Variants in AP4S1 observed in about 807,000 individuals in gnomAD.
AP4S1 encodes the protein adaptor related protein complex 4 subunit sigma 1, also known as AP-4 complex subunit sigma-1.
Under a neutral mutation model 19.8 loss-of-function variants are expected in AP4S1, and 23 were observed. That is an observed-to-expected ratio of 1.16 (90% CI 0.84 to 1.65). The LOEUF (loss-of-function observed/expected upper bound fraction) is 1.65. Ranked by LOEUF, AP4S1 falls within the 40% of genes most tolerant of loss-of-function variation. The pLI is 0.00. For synonymous variants in AP4S1, 46 were observed against 54.1 expected (o/e 0.85, Z 0.66); for missense variants, 166 against 172.8 (o/e 0.96, Z 0.22).
intron 1 of AP4S1, among the ~76,000 whole-genome samples, chr14:31,032,775 C>A (rs1324152276): frequency 6.6e-6 from 1 of 152,058 alleles, no homozygotes; most frequent in African/African-American, 2.4e-5. Context: ...ACCTCATGAT[C>A]CGCCCGCCTC....
At chr14:31,061,709 G>A (rs1276767568) in intron 1 of AP4S1, among the ~76,000 whole-genome samples, 2 of 151,190 alleles carry the variant, frequency 1.3e-5, no homozygotes, top group Non-Finnish European at 2.9e-5. Context: ...GTGGTGCGAT[G>A]TCAGCTCACT....
chr14:31,069,786 A>G (rs373580909), intron 2 of AP4S1, 57 bp from the exon 3 acceptor site: 156 of 1,334,692 alleles, frequency 1.2e-4, no homozygotes, highest in Middle Eastern at 1.8e-4. Flanking sequence ...TACGCATGTC[A>G]TTTTAAAGAA....
intron 1 of AP4S1, among the ~76,000 whole-genome samples, chr14:31,064,888 AAGCTGCAGTAAGCTG>A (rs745467451): frequency 6.6e-6 from 1 of 152,134 alleles, no homozygotes; most frequent in Non-Finnish European, 1.5e-5. Flanking sequence ...CCAGAGGCAG[AAGCTGCAGTAAGCTG>A]AGATTGCACC....
intron 5 of AP4S1, among the ~76,000 whole-genome samples, chr14:31,088,807 C>CAA (rs1283476951): frequency 0.02 from 682 of 34,392 alleles, 29 homozygotes; most frequent in East Asian, 0.081. Flanking sequence ...GACTCCATCT[C>CAA]AAAAAAAAAA....
chr14:31,035,627 C>T lies in AP4S1; in HGVS notation c.-72+9840C>T, dbSNP rs191518664. Reference sequence around the variant, plus strand: ...ATCCATACATTTCATTTGGTTGTTACGTTTTTAGGTCTTTTTTTTTTTTTT... The same window carrying T: ...ATCCATACATTTCATTTGGTTGTTATGTTTTTAGGTCTTTTTTTTTTTTTT... On this transcript the variant is annotated intron_variant, in intron 1 of 5. Transcript: ENST00000542754. Among the ~76,000 whole-genome samples the T allele has an allele frequency of 8.3e-5, 12 of 145,104 alleles. No individual in the cohort carries two copies. The East Asian group carries it at 1.0e-3, about 12-fold the overall frequency.
chr14:31,044,409 G>A (rs925153603), intron 1 of AP4S1, among the ~76,000 whole-genome samples: 46 of 151,982 alleles, frequency 3.0e-4, no homozygotes, highest in African/African-American at 1.0e-3. Flanking sequence ...TGGCATAATC[G>A]TAGATTACTG....
At chr14:31,092,214 A>G (rs939642418) in intron 5 of AP4S1, among the ~76,000 whole-genome samples, 2 of 152,068 alleles carry the variant, frequency 1.3e-5, no homozygotes, top group Non-Finnish European at 2.9e-5. Flanking sequence ...TTCTTCATTC[A>G]TTTTCTCCTC....
Position 31,073,854 on chromosome 14 carries a change from T to C in AP4S1, c.294+881T>C, listed in dbSNP as rs74243246. Reference sequence around the variant, plus strand: ...CCACCGTGCCTGGCCCCCTCTGCCTTATTTCCTAAGACACCAGGATGCTTT... The same window carrying C: ...CCACCGTGCCTGGCCCCCTCTGCCTCATTTCCTAAGACACCAGGATGCTTT... On this transcript the variant is annotated intron_variant, in intron 4 of 5. Transcript: ENST00000542754. Among the ~76,000 whole-genome samples the C allele has an allele frequency of 5.0e-4, 76 of 151,710 alleles. No individual in the cohort carries two copies. The East Asian group carries it at 0.014, about 27-fold the overall frequency.
intron 1 of AP4S1, among the ~76,000 whole-genome samples, chr14:31,052,728 CAAAAAAA>C (rs967926664): frequency 5.6e-5 from 3 of 53,334 alleles, no homozygotes; most frequent in Non-Finnish European, 1.2e-4. Context: ...GACTCCCTCT[CAAAAAAA>C]AAAAAAAAAA....
chr14:31,053,369 C>T (rs1885916073), intron 1 of AP4S1, among the ~76,000 whole-genome samples: 1 of 152,206 alleles, frequency 6.6e-6, no homozygotes, highest in East Asian at 1.9e-4. Context: ...GGGATGATGG[C>T]CAGAGGGCAG....
In AP4S1 at chr14:31,080,582, G is replaced by C; in HGVS notation, c.304G>C (p.Asp102His). The C allele has an allele frequency of 6.2e-7, 1 of 1,613,216 alleles. No individual in the cohort carries two copies. The highest frequency in any genetic ancestry group is 8.5e-7 in the Non-Finnish European group (1 of 1,179,288). The stretch of plus-strand genomic sequence containing the variant: ...TTTTTCTGTCTTCCAGAGTGAATTA[G>C]ATGTATCCTTTTTCAATACTGTTTT... ...DEYFSRVSEL[D>H]IMFNLDKVHI... Residue 102 changes from aspartate (D) to histidine (H), a missense_variant and splice_region_variant, in exon 5 of 6, where the codon GAT (aspartate) becomes CAT (histidine). By Grantham distance (81) the Asp-to-His change is moderately conservative. Transcript: ENST00000542754.
chr14:31,076,530 G>A (rs1887367441), intron 4 of AP4S1, among the ~76,000 whole-genome samples: 1 of 152,150 alleles, frequency 6.6e-6, no homozygotes, highest in Admixed American at 6.5e-5. Context: ...TTATTGTTGA[G>A]TTGCAGGAGT....
intron 1 of AP4S1, among the ~76,000 whole-genome samples, chr14:31,055,790 A>C (rs1886076756): frequency 6.6e-6 from 1 of 152,066 alleles, no homozygotes; most frequent in Non-Finnish European, 1.5e-5. Context: ...AGAGCTAGAA[A>C]GAATGTTAAT....
At chr14:31,026,384 G>GTC in intron 1 of AP4S1, 1 of 271,886 alleles carries the variant, frequency 3.7e-6, no homozygotes, top group Non-Finnish European at 6.6e-6. Flanking sequence ...CCATCTGCCC[G>GTC]TCTCACTCAC....
intron 1 of AP4S1, among the ~76,000 whole-genome samples, chr14:31,064,907 T>C (rs955178038): frequency 4.6e-5 from 7 of 152,090 alleles, no homozygotes; most frequent in Admixed American, 3.9e-4. Flanking sequence ...TAAGCTGAGA[T>C]TGCACCACTG....
At chr14:31,035,443 A>G (rs997130681) in intron 1 of AP4S1, among the ~76,000 whole-genome samples, 20 of 151,594 alleles carry the variant, frequency 1.3e-4, no homozygotes, top group Admixed American at 5.9e-4. Flanking sequence ...TGCCCACCTC[A>G]GCCTCCCAAA....
intron 4 of AP4S1, among the ~76,000 whole-genome samples, chr14:31,080,133 C>A (rs1326511357): frequency 6.6e-6 from 1 of 152,098 alleles, no homozygotes; most frequent in Non-Finnish European, 1.5e-5. Context: ...AGGTTATTAT[C>A]CATAATTTGC....
At chr14:31,059,847 C>T (rs1175009755) in intron 1 of AP4S1, among the ~76,000 whole-genome samples, 1 of 151,636 alleles carries the variant, frequency 6.6e-6, no homozygotes, top group Non-Finnish European at 1.5e-5. Flanking sequence ...TGGCTCTTTA[C>T]AGCTTAGTGT....
intron 1 of AP4S1, 63 bp downstream of exon 1, chr14:31,025,850 C>G: frequency 1.3e-6 from 2 of 1,561,936 alleles, no homozygotes; most frequent in Non-Finnish European, 1.7e-6. Flanking sequence ...AGCCCCACCC[C>G]CCGGCCGGGA....
Sources: gnomAD v4.1 joint callset for allele counts (sites outside exome capture counted in the v4.1 genomes callset) on GRCh38, gnomAD v4.1.1 for gene constraint, MANE v1.5 for transcripts, NCBI Gene and HGNC (gene_info 2026-07-23, HGNC 2026-07-21) for gene names.